SAXO4: variants seen among roughly 807,000 people sequenced by gnomAD.
SAXO4 encodes protein phosphatase 1 regulatory subunit 32.
At chr11:61,484,292 A>G in the SAXO4 span, among the ~76,000 whole-genome samples, 1 of 152,218 alleles carries the variant, frequency 6.6e-6, no homozygotes, top group East Asian at 1.9e-4. Context: ...TGCAACTGCA[A>G]ATCGGGAGGG....
chr11:61,487,895 T>C, the SAXO4 span, among the ~76,000 whole-genome samples: 1 of 151,474 alleles, frequency 6.6e-6, no homozygotes, highest in African/African-American at 2.4e-5. Flanking sequence ...AGGAAGGAGG[T>C]GGCCCCAGAG....
the SAXO4 span, chr11:61,482,939 C>A: frequency 1.1e-6 from 1 of 930,526 alleles, no homozygotes; most frequent in South Asian, 1.8e-5. Flanking sequence ...GGGGTCCACT[C>A]ATCTTTCTCC....
the SAXO4 span, chr11:61,489,537 GACAGGGGCATCACTGA>G: frequency 1.7e-6 from 1 of 589,500 alleles, no homozygotes; most frequent in African/African-American, 1.9e-5. Flanking sequence ...GCAGGCCAGG[GACAGGGGCATCACTGA>G]AACTGTCCTT....
the SAXO4 span, among the ~76,000 whole-genome samples, chr11:61,490,251 G>A: frequency 6.6e-6 from 1 of 152,182 alleles, no homozygotes; most frequent in South Asian, 2.1e-4. Context: ...GGGGGATGCG[G>A]GGACGGATCC....
the SAXO4 span, chr11:61,486,511 TTG>T: frequency 6.2e-7 from 1 of 1,613,842 alleles, no homozygotes; most frequent in East Asian, 2.2e-5. Context: ...AGTGGCTGCT[TTG>T]CTCCCTCCAG....
the SAXO4 span, chr11:61,481,694 G>A: frequency 1.8e-4 from 101 of 556,112 alleles, no homozygotes; most frequent in East Asian, 2.8e-4. Flanking sequence ...GGCCAGCTGC[G>A]TTGTGGGTGG....
At chr11:61,486,878 T>C in the SAXO4 span, 1 of 1,296,122 alleles carries the variant, frequency 7.7e-7, no homozygotes, top group Non-Finnish European at 1.1e-6. Flanking sequence ...CTCTGCCTGC[T>C]CCCCTCTCCA....
the SAXO4 span, chr11:61,485,785 C>T: frequency 6.2e-7 from 1 of 1,606,120 alleles, no homozygotes; most frequent in South Asian, 1.1e-5. Flanking sequence ...GCACACAGGG[C>T]ATTTCTTTTG....
At chr11:61,488,063 C>T in the SAXO4 span, among the ~76,000 whole-genome samples, 7,692 of 150,634 alleles carry the variant, frequency 0.051, 537 homozygotes, top group African/African-American at 0.16. Flanking sequence ...CTCAGCTCAC[C>T]GCAACCTTCG....
At chr11:61,484,867 C>T in the SAXO4 span, 1 of 1,517,668 alleles carries the variant, frequency 6.6e-7, no homozygotes, top group Non-Finnish European at 8.8e-7. Flanking sequence ...GGGGCCACAC[C>T]CGCCTCTTCC....
the SAXO4 span, chr11:61,486,421 G>C: frequency 2.5e-6 from 4 of 1,614,084 alleles, no homozygotes; most frequent in Non-Finnish European, 3.4e-6. Flanking sequence ...GAGCTAGGGG[G>C]AGGCTGGGGA....
At chr11:61,485,829 A>C in the SAXO4 span, 1 of 1,613,998 alleles carries the variant, frequency 6.2e-7, no homozygotes, top group Non-Finnish European at 8.5e-7. Context: ...ATCGGCGCAA[A>C]GGAGGGGAGT....
chr11:61,482,767 T>C, the SAXO4 span: 1 of 1,613,342 alleles, frequency 6.2e-7, no homozygotes, highest in South Asian at 1.1e-5. Context: ...CAGCTCAGGC[T>C]ATGGGCGGGA....
chr11:61,484,895 T>A, the SAXO4 span: 1 of 1,478,018 alleles, frequency 6.8e-7, no homozygotes, highest in African/African-American at 1.4e-5. Flanking sequence ...TCAAGACAAG[T>A]ATTGCACTGA....
chr11:61,483,637 C>T, the SAXO4 span, among the ~76,000 whole-genome samples: 1 of 151,912 alleles, frequency 6.6e-6, no homozygotes, highest in Non-Finnish European at 1.5e-5. Context: ...GGAAATACAA[C>T]AGGGAGAAGC....
the SAXO4 span, among the ~76,000 whole-genome samples, chr11:61,481,543 TG>T: frequency 6.6e-6 from 1 of 152,034 alleles, no homozygotes; most frequent in East Asian, 1.9e-4. Flanking sequence ...CAGTGGTAAA[TG>T]GGGACAGGAA....
At chr11:61,481,879 C>T in the SAXO4 span, 11 of 1,572,998 alleles carry the variant, frequency 7.0e-6, no homozygotes, top group Non-Finnish European at 8.6e-6. Context: ...CTACACGGAC[C>T]CCCTGAAATT....
the SAXO4 span, chr11:61,486,469 G>A: frequency 6.2e-7 from 1 of 1,612,764 alleles, no homozygotes; most frequent in South Asian, 1.1e-5. Context: ...GGCTCTGGAA[G>A]GTGGTGGGGG....
At chr11:61,482,512 G>T in the SAXO4 span, 2 of 1,561,254 alleles carry the variant, frequency 1.3e-6, no homozygotes, top group South Asian at 1.1e-5. Flanking sequence ...CCTGAGCTTT[G>T]CCTGCCCTAG....
Sources: allele counts gnomAD v4.1 joint callset (sites outside exome capture counted in the v4.1 genomes callset), GRCh38; gene constraint gnomAD v4.1.1; transcripts MANE v1.5; gene names NCBI Gene and HGNC (gene_info 2026-07-23, HGNC 2026-07-21).